The following DNM3 variants were observed in gnomAD, a reference collection of about 807,000 sequenced individuals.
DNM3 encodes the protein dynamin 3.
DNM3 carries 47 observed loss-of-function variants against 101.6 expected under a neutral mutation model. The observed-to-expected ratio is 0.46, with a 90% CI of 0.37 to 0.59. The LOEUF (loss-of-function observed/expected upper bound fraction) is 0.59. Among genes scored for constraint, DNM3 ranks in the 20% least tolerant of loss-of-function variants. DNM3 has a pLI of 0.00. For missense variants in DNM3, 849 were observed against 1,085.7 expected (o/e 0.78, Z 3.06); for synonymous variants, 385 against 387.9 (o/e 0.99, Z 0.09).
rs529487736 is a variant in DNM3 at position 171,993,477 on chromosome 1, T to G, written c.589+4329T>G. Among the ~76,000 whole-genome samples, 7 of 150,706 alleles carry G rather than the reference T, an allele frequency of 4.6e-5. No homozygotes were observed. The South Asian group carries it at 1.3e-3, about 27-fold the overall frequency. ...GGATCCTTTGAACATGATTTTCTTC[T>G]CTCCTGCTGCTTTCAAGATTCTTTT... On this transcript the variant is annotated intron_variant, in intron 4 of 20. Transcript: ENST00000627582.
rs1178318946 is a variant in DNM3, at chr1:171,877,363, TA to T, written c.161+35548del. Among the ~76,000 whole-genome samples the T allele has an allele frequency of 7.2e-5, 11 of 152,360 alleles. No individual in the cohort carries two copies. In the South Asian group the frequency reaches 1.4e-3, roughly 20 times the overall value. On this transcript the variant is annotated intron_variant, in intron 1 of 20. Transcript: ENST00000627582. ...CTATTTTAGAGCAAAGAATTCTCCT[TA>T]ACCTCTCATTTAAATGTTTTGCAAG...
At chr1:172,068,498 G>T (rs1047425570) in intron 10 of DNM3, among the ~76,000 whole-genome samples, 1 of 152,050 alleles carries the variant, frequency 6.6e-6, no homozygotes, top group Non-Finnish European at 1.5e-5. Flanking sequence ...CCTGTTTTCC[G>T]ACTTCTTCAT....
intron 4 of DNM3, among the ~76,000 whole-genome samples, chr1:172,010,383 C>G (rs1418031656): frequency 6.6e-6 from 1 of 151,732 alleles, no homozygotes; most frequent in African/African-American, 2.4e-5. Flanking sequence ...GGACAGGTCT[C>G]TGACAACAAA....
intron 17 of DNM3, among the ~76,000 whole-genome samples, chr1:172,347,202 C>CG (rs1553240841): frequency 0.12 from 18,188 of 151,622 alleles, 1,260 homozygotes; most frequent in African/African-American, 0.18. Flanking sequence ...AAGCCCCCCC[C>CG]GCCAAAAAAA....
intron 1 of DNM3, among the ~76,000 whole-genome samples, chr1:171,886,644 A>G (rs922658902): frequency 5.9e-5 from 9 of 152,224 alleles, no homozygotes; most frequent in Non-Finnish European, 7.3e-5. Flanking sequence ...CTGTAATAGA[A>G]GAGTGAGAAT....
chr1:172,001,775 T>C (rs535523673), intron 4 of DNM3, among the ~76,000 whole-genome samples: 78 of 152,166 alleles, frequency 5.1e-4, no homozygotes, highest in African/African-American at 1.7e-3. Context: ...GGTGGCAGAC[T>C]TTTAAATTCA....
chr1:171,952,184 CACTTTTAGTT>C (rs1296361610), intron 2 of DNM3, among the ~76,000 whole-genome samples: 3 of 152,182 alleles, frequency 2.0e-5, no homozygotes, highest in African/African-American at 7.2e-5. Context: ...TAAAATGTCA[CACTTTTAGTT>C]AATCCTTTCT....
At chr1:171,913,667 G>C (rs6425482) in intron 1 of DNM3, among the ~76,000 whole-genome samples, 51,361 of 151,924 alleles carry the variant, frequency 0.34, 9,034 homozygotes, top group East Asian at 0.5. Flanking sequence ...GTATTTGTGT[G>C]ATTTGTCTGT....
chr1:171,893,389 T>C (rs1389882499), intron 1 of DNM3, among the ~76,000 whole-genome samples: 2 of 152,074 alleles, frequency 1.3e-5, no homozygotes, highest in Admixed American at 1.3e-4. Flanking sequence ...TACAATGCAT[T>C]GTCAAAACCT....
At chr1:171,986,102 CT>C (rs2125608479) in intron 2 of DNM3, among the ~76,000 whole-genome samples, 1 of 152,264 alleles carries the variant, frequency 6.6e-6, no homozygotes, top group East Asian at 1.9e-4. Context: ...GGATGACAAC[CT>C]GCCAGATTTG....
intron 10 of DNM3, among the ~76,000 whole-genome samples, chr1:172,066,226 G>C (rs1282256726): frequency 2.0e-5 from 3 of 151,898 alleles, no homozygotes; most frequent in Non-Finnish European, 1.5e-5. Flanking sequence ...TGTGTGTGTG[G>C]ATGTGTCTTA....
At chr1:172,038,727 A>G (rs1209490325) in intron 7 of DNM3, among the ~76,000 whole-genome samples, 2 of 152,182 alleles carry the variant, frequency 1.3e-5, no homozygotes. Flanking sequence ...TAAAACCATT[A>G]GGGATGACCC....
intron 20 of DNM3, among the ~76,000 whole-genome samples, chr1:172,395,754 C>T (rs189039439): frequency 2.6e-5 from 4 of 152,308 alleles, no homozygotes; most frequent in East Asian, 1.9e-4. Context: ...CGGGGGGAAC[C>T]CCTGAATCTA....
chr1:172,041,715 CT>C (rs1191670960), intron 7 of DNM3, among the ~76,000 whole-genome samples: 2 of 152,236 alleles, frequency 1.3e-5, no homozygotes, highest in South Asian at 2.1e-4. Context: ...TTGATTAACT[CT>C]CTATTTCAAG....
chr1:172,043,056 C>G (rs2049505653), intron 8 of DNM3, among the ~76,000 whole-genome samples: 1 of 152,060 alleles, frequency 6.6e-6, no homozygotes, highest in South Asian at 2.1e-4. Context: ...GGCCCAGGGT[C>G]TTGGAAGAGG....
At chr1:172,233,541 G>A (rs551930815) in intron 14 of DNM3, among the ~76,000 whole-genome samples, 1 of 152,266 alleles carries the variant, frequency 6.6e-6, no homozygotes, top group African/African-American at 2.4e-5. Flanking sequence ...CTCATTTTAT[G>A]AGTCCAGCAT....
At chr1:172,348,981 T>C (rs1254019351) in intron 17 of DNM3, among the ~76,000 whole-genome samples, 2 of 152,164 alleles carry the variant, frequency 1.3e-5, no homozygotes, top group Admixed American at 6.5e-5. Context: ...AAACGAATAA[T>C]GTAATTTATA....
rs1205899132 is a variant in DNM3, at chr1:172,153,363, C to T, written c.1659+22075C>T. ...CAAATACCATTTCTACCCTTGGTGACTTTTATGTTGTCCCTGAACATTTAC... is the reference window on the plus strand; with the variant it reads ...CAAATACCATTTCTACCCTTGGTGATTTTTATGTTGTCCCTGAACATTTAC... On this transcript the variant is annotated intron_variant, in intron 14 of 20. Transcript: ENST00000627582. Among the ~76,000 whole-genome samples, 5 of 152,092 alleles carry T rather than the reference C, an allele frequency of 3.3e-5. No individual in the cohort carries two copies. The East Asian group carries it at 9.6e-4, about 29-fold the overall frequency.
Position 172,412,433 on chromosome 1 carries a change from C to T in DNM3, c.*4592C>T. ...TGTTTTGCTTGCTTGTCTATTTTTA[C>T]TTTCCCTTTTTTGGGTCAAATTTTT... On this transcript the variant is annotated 3_prime_UTR_variant, in exon 21 of 21. Coordinates refer to ENST00000627582, the MANE Select transcript of DNM3 (RefSeq NM_015569.5). 2 of 985,712 alleles carry T rather than the reference C, an allele frequency of 2.0e-6. No individual in the cohort carries two copies. The highest frequency in any genetic ancestry group is 2.4e-6 in the Non-Finnish European group (2 of 829,870). The allele number at this position is 985,712 out of a possible 1,614,324, so 61.1% of individuals were successfully genotyped here.
Sources: gnomAD v4.1 joint callset for allele counts (sites outside exome capture counted in the v4.1 genomes callset) on GRCh38, gnomAD v4.1.1 for gene constraint, MANE v1.5 for transcripts, NCBI Gene and HGNC (gene_info 2026-07-23, HGNC 2026-07-21) for gene names.